NIPBL: variants seen among roughly 807,000 people sequenced by gnomAD.
NIPBL encodes NIPBL cohesin loading factor.
A neutral mutation model predicts 321.8 loss-of-function variants in NIPBL; 19 were observed. The ratio of observed to expected loss-of-function variants is 0.06; its 90% CI spans 0.04 to 0.09. The LOEUF is 0.09. Ranked by LOEUF, NIPBL falls within the 10% of genes least tolerant of loss-of-function variation. NIPBL has a pLI of 1.00. For missense variants in NIPBL, 2,210 were observed against 3,327.0 expected, an observed-to-expected ratio of 0.66 and a Z score of 8.26; for synonymous variants, 1,106 against 1,114.1, an observed-to-expected ratio of 0.99 and a Z score of 0.14.
chr5:36,936,173 TG>T (rs1313719813), intron 1 of NIPBL, among the ~76,000 whole-genome samples: 3 of 152,182 alleles, frequency 2.0e-5, no homozygotes, highest in Non-Finnish European at 2.9e-5. Context: ...GATATATAGT[TG>T]GGTTTGTTTG....
intron 41 of NIPBL, 43 bp downstream of exon 41, chr5:37,051,929 C>G: frequency 7.2e-7 from 1 of 1,384,094 alleles, no homozygotes; most frequent in Non-Finnish European, 1.0e-6. Context: ...AAACATTTTT[C>G]TTGAGTAAAG....
chr5:37,015,655 G>C (rs1397493678), intron 22 of NIPBL, among the ~76,000 whole-genome samples: 2 of 152,054 alleles, frequency 1.3e-5, no homozygotes, highest in African/African-American at 2.4e-5. Context: ...GCTGGAACCC[G>C]GGAGGTGGAG....
chr5:37,010,093 CAGT>C lies in NIPBL; in HGVS notation c.4432_4434del (p.Ser1478del). ...TTTTTTTTCTTCATTAAAGGTTAAA[CAGT>C]AGTGATATGGATGGAGAACCTATGT... On this transcript the variant is annotated inframe_deletion, in exon 21 of 47. Transcript: ENST00000282516. 1.2e-6 allele frequency: 2 copies of C among 1,610,158 alleles called. No individual in the cohort carries two copies. The highest frequency in any genetic ancestry group is 1.7e-4 in the Middle Eastern group (1 of 6,002).
chr5:36,955,351 G>A, intron 2 of NIPBL, 121 bp from the exon 3 acceptor site: 1 of 825,160 alleles, frequency 1.2e-6, no homozygotes, highest in Non-Finnish European at 2.0e-6. Flanking sequence ...GAGGAGGAAT[G>A]CCTTTTAATA....
At chr5:36,971,106 T>C in intron 7 of NIPBL, 70 bp downstream of exon 7, 1 of 1,350,980 alleles carries the variant, frequency 7.4e-7, no homozygotes, top group Non-Finnish European at 1.0e-6. Context: ...GTATTTCCAT[T>C]TCAAAATTTG....
chr5:37,000,606 C>A (rs1746679150), intron 12 of NIPBL, 36 bp downstream of exon 12: 1 of 1,597,990 alleles, frequency 6.3e-7, no homozygotes, highest in African/African-American at 1.3e-5. Context: ...CTTACATAAA[C>A]CAATTTAAAT....
At chr5:37,031,618 A>C (rs186422378) in intron 32 of NIPBL, among the ~76,000 whole-genome samples, 318 of 152,374 alleles carry the variant, frequency 2.1e-3, no homozygotes, top group African/African-American at 7.0e-3. Flanking sequence ...AATGAAAAAC[A>C]GTTAAGAGTA....
chr5:37,026,395 T>C (rs373755347), intron 31 of NIPBL, 68 bp downstream of exon 31: 1 of 849,474 alleles, frequency 1.2e-6, no homozygotes, highest in Non-Finnish European at 2.0e-6. Flanking sequence ...ACATGTCTTA[T>C]GAAGGAAGAG....
chr5:36,936,433 T>G (rs1738438579), intron 1 of NIPBL, among the ~76,000 whole-genome samples: 2 of 152,148 alleles, frequency 1.3e-5, no homozygotes, highest in Non-Finnish European at 2.9e-5. Flanking sequence ...GCTGTATAGG[T>G]TTGTAGCCTA....
At position 36,985,441 on chromosome 5, in the gene NIPBL, G is replaced by T. The variant is rs748268539; in HGVS notation, c.2261G>T (p.Arg754Leu). The change falls in exon 10 of 47, where the codon CGA becomes CTA. Residue 754 changes from arginine to leucine, a missense_variant. By Grantham distance (102) the Arg-to-Leu change is moderately radical (BLOSUM62 -2). Around this residue, in one of 14 missense-constraint regions of NIPBL, gnomAD observed 588 missense variants for 564.1 expected, o/e 1.04. Transcript: ENST00000282516. ...PETPKQKNEG[R>L]PETPKHRHDN... is the part of the protein sequence containing the mutation. The stretch of plus-strand genomic sequence containing the variant: ...ACTCCAAAGCAAAAAAATGAAGGGC[G>T]ACCTGAAACACCAAAACACAGGCAT... The T allele has an allele frequency of 4.2e-5, 67 of 1,613,536 alleles. 1 individual carries two copies. The highest frequency in any genetic ancestry group is 5.5e-5 in the Non-Finnish European group (65 of 1,179,928).
In NIPBL at chr5:36,997,802, G is replaced by A. The variant is rs1279817118; in HGVS notation, c.3304+1998G>A. On this transcript the variant is annotated intron_variant, in intron 11 of 46. Transcript: ENST00000282516. ...AAATGGTCACACCACAACAGAAACAGTGTATTGAAAATATAGCACAATACA... is the reference window on the plus strand; with the variant it reads ...AAATGGTCACACCACAACAGAAACAATGTATTGAAAATATAGCACAATACA... Among the ~76,000 whole-genome samples the A allele has an allele frequency of 3.3e-5, 5 of 152,232 alleles. No individual in the cohort carries two copies. The South Asian group carries it at 1.0e-3, about 32-fold the overall frequency.
intron 4 of NIPBL, among the ~76,000 whole-genome samples, chr5:36,961,099 A>AT (rs1741568588): frequency 6.6e-6 from 1 of 152,190 alleles, no homozygotes; most frequent in Non-Finnish European, 1.5e-5. Flanking sequence ...GATGTATATG[A>AT]TAAAATATTC....
chr5:36,900,886 A>G (rs756412127), intron 1 of NIPBL, among the ~76,000 whole-genome samples: 4 of 151,830 alleles, frequency 2.6e-5, no homozygotes, highest in Non-Finnish European at 5.9e-5. Flanking sequence ...CTTTTCTTTG[A>G]TGCCTTCCTT....
chr5:37,046,034 A>AT (rs1182428307), intron 37 of NIPBL, 75 bp from the exon 38 acceptor site: 4 of 783,896 alleles, frequency 5.1e-6, no homozygotes, highest in Admixed American at 3.8e-5. Context: ...GTTTTAAGGT[A>AT]TTTTTTTCCT....
At chr5:36,956,702 G>A (rs1374152884) in intron 3 of NIPBL, among the ~76,000 whole-genome samples, 2 of 132,714 alleles carry the variant, frequency 1.5e-5, no homozygotes, top group East Asian at 2.3e-4. Context: ...TCGGCTCACT[G>A]CAACCTCCAC....
chr5:36,885,730 G>T, intron 1 of NIPBL: 1 of 595,976 alleles, frequency 1.7e-6, no homozygotes, highest in South Asian at 1.6e-5. Flanking sequence ...CCATGTGCCA[G>T]TCTGTAGAGA....
chr5:36,968,737 T>C (rs1430795726), intron 6 of NIPBL, among the ~76,000 whole-genome samples: 1 of 152,058 alleles, frequency 6.6e-6, no homozygotes, highest in African/African-American at 2.4e-5. Context: ...TGTTACCTAG[T>C]GGTAGAAAAA....
Position 37,066,184 on chromosome 5 carries a change from G to A in NIPBL, c.*1292G>A, listed in dbSNP as rs945428076. On this transcript the variant is annotated 3_prime_UTR_variant, in exon 47 of 47. Transcript: ENST00000282516. Reference sequence around the variant, plus strand: ...GGTGTTTAATCATTTGATATGTATAGTTGACACTCAGGAATAGTAATGCCT... The same window carrying A: ...GGTGTTTAATCATTTGATATGTATAATTGACACTCAGGAATAGTAATGCCT... 4.6e-5 allele frequency: 7 copies of A among 152,136 alleles called. No homozygotes were observed. The highest frequency in any genetic ancestry group is 3.3e-4 in the Admixed American group (5 of 15,276). 9.4% of individuals were successfully genotyped at this position (152,136 alleles called of 1,614,324 possible). A position where few individuals can be genotyped will look rare whatever the true frequency, so the allele number is the denominator to read the frequency against.
rs773628266 is a variant in NIPBL at position 37,048,509 on chromosome 5, C to T, written c.6597C>T (p.Ala2199=). Residue 2199 remains alanine (A), a synonymous_variant, in exon 39 of 47, where the codon GCC becomes GCT. Coordinates refer to ENST00000282516, the MANE Select transcript of NIPBL (RefSeq NM_133433.4). The part of the protein sequence containing the change: ...QTKAIIGLGF[A]FIQHPSLMFE... ...TTTTCCCCTCTCCCATAGGATTTGCCTTTATTCAGCATCCAAGTCTAATGT... is the reference window on the plus strand; with the variant it reads ...TTTTCCCCTCTCCCATAGGATTTGCTTTTATTCAGCATCCAAGTCTAATGT... 6.4e-7 allele frequency: 1 copy of T among 1,571,360 alleles called. No homozygotes were observed. Among genetic ancestry groups the T allele is most frequent in the South Asian group, 1.2e-5 (1 of 81,528 alleles).
Sources: allele counts gnomAD v4.1 joint callset (sites outside exome capture counted in the v4.1 genomes callset), GRCh38; gene constraint gnomAD v4.1.1; regional missense constraint gnomAD v4.1.1; transcripts MANE v1.5; gene names NCBI Gene and HGNC (gene_info 2026-07-23, HGNC 2026-07-21).